The following SYT13 variants were observed in gnomAD, a reference collection of about 807,000 sequenced individuals.
SYT13 encodes the protein synaptotagmin-13.
SYT13 carries 21 observed loss-of-function variants against 38.6 expected under a neutral mutation model. That is an observed-to-expected ratio of 0.54 (90% CI 0.39 to 0.78). The LOEUF (loss-of-function observed/expected upper bound fraction) is 0.78, where lower values mean the gene tolerates loss of function less well. SYT13 is among the 30% of genes least tolerant of loss of function. SYT13 has a pLI of 0.00. For synonymous variants in SYT13, 241 were observed against 237.6 expected, an observed-to-expected ratio of 1.01 and a Z score of -0.13; for missense variants, 495 against 548.7, an observed-to-expected ratio of 0.90 and a Z score of 0.98.
chr11:45,283,097 G>A lies in SYT13; in HGVS notation c.183+2928C>T, dbSNP rs572276074. Among the ~76,000 whole-genome samples, 350 of 152,300 alleles carry A rather than the reference G, an allele frequency of 2.3e-3. 4 individuals carry two copies. Among genetic ancestry groups the A allele is most frequent in the Non-Finnish European group, 2.6e-3 (176 of 68,030 alleles). The stretch of plus-strand genomic sequence containing the variant: ...CAGGAAGTCAAGACTTCAGTGAGCC[G>A]TGATCACACCACTGCACTCCAGCCT... On this transcript the variant is annotated intron_variant, in intron 1 of 5. Coordinates refer to ENST00000020926, the MANE Select transcript of SYT13 (RefSeq NM_020826.3).
At position 45,242,820 on chromosome 11, in the gene SYT13, C is replaced by T. The variant is rs1854567997; in HGVS notation, c.*1232G>A. Reference sequence around the variant, plus strand: ...AGTACCGTATCCACTCAGCAAGGCTCATAATTTAGATTTAATTAACAATGT... The same window carrying T: ...AGTACCGTATCCACTCAGCAAGGCTTATAATTTAGATTTAATTAACAATGT... On this transcript the variant is annotated 3_prime_UTR_variant, in exon 6 of 6. Transcript: ENST00000020926. The T allele has an allele frequency of 6.6e-6, 1 of 152,138 alleles. No individual in the cohort carries two copies. The highest frequency in any genetic ancestry group is 2.4e-5 in the African/African-American group (1 of 41,406). 9.4% of individuals were successfully genotyped at this position (152,138 alleles called of 1,614,324 possible).
At chr11:45,270,394 T>G (rs1274973766) in intron 1 of SYT13, among the ~76,000 whole-genome samples, 11 of 152,248 alleles carry the variant, frequency 7.2e-5, no homozygotes. Context: ...TTTGTTTTTA[T>G]GTCAGTTTCC....
rs1854539360 is a variant in SYT13, at chr11:45,240,662, T to G, written c.*3390A>C. 1 of 152,220 alleles carries G rather than the reference T, an allele frequency of 6.6e-6. No homozygotes were observed. The highest frequency in any genetic ancestry group is 2.4e-5 in the African/African-American group (1 of 41,450). The allele number at this position is 152,220 out of a possible 1,614,324, so 9.4% of individuals were successfully genotyped here. A position where few individuals can be genotyped will look rare whatever the true frequency, so the allele number is the denominator to read the frequency against. ...CAGACATATGCAAGGTCTTAATCAA[T>G]AAGTGCTCAACAAATAGATATTGAT... On this transcript the variant is annotated 3_prime_UTR_variant, in exon 6 of 6. Coordinates refer to ENST00000020926, the MANE Select transcript of SYT13 (RefSeq NM_020826.3).
chr11:45,261,017 G>C (rs529624205), intron 1 of SYT13, among the ~76,000 whole-genome samples: 5 of 152,176 alleles, frequency 3.3e-5, no homozygotes, highest in Non-Finnish European at 7.3e-5. Flanking sequence ...GGGGAACTCA[G>C]CAACAAAAAC....
intron 1 of SYT13, chr11:45,258,256 T>G (rs955238761): frequency 2.0e-5 from 3 of 152,236 alleles, no homozygotes; most frequent in African/African-American, 7.2e-5. Flanking sequence ...ATCATTATCT[T>G]GTTACACACA....
In SYT13 at chr11:45,244,147, C is replaced by T; in HGVS notation, c.1186G>A (p.Gly396Ser). 3.1e-6 allele frequency: 5 copies of T among 1,613,784 alleles called. No homozygotes were observed. Among genetic ancestry groups the T allele is most frequent in the Middle Eastern group, 1.7e-4 (1 of 5,984 alleles). The change falls in exon 6 of 6, where the codon GGC (glycine) becomes AGC (serine). Residue 396 changes from glycine (G) to serine (S), a missense_variant. Coordinates refer to ENST00000020926, the MANE Select transcript of SYT13 (RefSeq NM_020826.3). ...QSCALGHCSL[G>S]LHTSGSERSH... is the part of the protein sequence containing the mutation. ...CGCTCAGAGCCCGAGGTGTGCAGGCCCAGGCTGCAGTGGCCAAGCGCACAG... is the reference window on the plus strand; with the variant it reads ...CGCTCAGAGCCCGAGGTGTGCAGGCTCAGGCTGCAGTGGCCAAGCGCACAG...
intron 1 of SYT13, among the ~76,000 whole-genome samples, chr11:45,282,861 C>T (rs1163449078): frequency 6.6e-6 from 1 of 152,134 alleles, no homozygotes. Context: ...TTAAGAACCC[C>T]TGGGGGCAAA....
In SYT13 at chr11:45,286,193, C is replaced by T. The variant is rs1442254131; in HGVS notation, c.15G>A (p.Val5=). 1.3e-6 allele frequency: 2 copies of T among 1,566,370 alleles called. No homozygotes were observed. Among genetic ancestry groups the T allele is most frequent in the East Asian group, 2.3e-5 (1 of 43,464 alleles). ...GCGTGGCGCCCAGCGCGATCACAGG[C>T]ACCGACAGCACCATGGTGCCCGCTC... MVLS[V]PVIALGATLG... The change falls in exon 1 of 6, where the codon GTG becomes GTA. Residue 5 remains valine, a synonymous_variant. Transcript: ENST00000020926.
intron 1 of SYT13, among the ~76,000 whole-genome samples, chr11:45,273,243 A>G (rs963144236): frequency 1.3e-5 from 2 of 152,218 alleles, no homozygotes; most frequent in African/African-American, 4.8e-5. Context: ...TGGAAACAGG[A>G]CAGGGTGCCG....
At chr11:45,249,787 T>C (rs1267397686) in intron 4 of SYT13, among the ~76,000 whole-genome samples, 1 of 152,116 alleles carries the variant, frequency 6.6e-6, no homozygotes, top group Non-Finnish European at 1.5e-5. Context: ...TTAGGAGAAA[T>C]ACCTAATGTA....
At chr11:45,257,548 C>T (rs977952456) in intron 1 of SYT13, among the ~76,000 whole-genome samples, 1 of 152,228 alleles carries the variant, frequency 6.6e-6, no homozygotes, top group African/African-American at 2.4e-5. Flanking sequence ...TGATCCTGCA[C>T]TGTGTAGGGG....
intron 1 of SYT13, among the ~76,000 whole-genome samples, chr11:45,282,388 G>C (rs904774456): frequency 6.6e-6 from 1 of 152,216 alleles, no homozygotes; most frequent in African/African-American, 2.4e-5. Context: ...CTTGAAAACA[G>C]CTGGAAGCAT....
At chr11:45,247,003 G>A (rs887838782) in intron 4 of SYT13, among the ~76,000 whole-genome samples, 1 of 152,154 alleles carries the variant, frequency 6.6e-6, no homozygotes, top group African/African-American at 2.4e-5. Flanking sequence ...AGCTCCAGGA[G>A]GTTGCTTCAT....
At chr11:45,261,097 C>T (rs1289280498) in intron 1 of SYT13, among the ~76,000 whole-genome samples, 1 of 152,132 alleles carries the variant, frequency 6.6e-6, no homozygotes, top group African/African-American at 2.4e-5. Flanking sequence ...ATGCAAATGG[C>T]CAATAAGCAC....
At chr11:45,273,420 G>A (rs1041438330) in intron 1 of SYT13, among the ~76,000 whole-genome samples, 5 of 152,008 alleles carry the variant, frequency 3.3e-5, no homozygotes, top group South Asian at 4.2e-4. Context: ...CAGAGGAGTT[G>A]GTCAATGCAG....
chr11:45,272,293 T>C (rs1014013057), intron 1 of SYT13, among the ~76,000 whole-genome samples: 2 of 152,116 alleles, frequency 1.3e-5, no homozygotes, highest in African/African-American at 4.8e-5. Context: ...TGTATACCTA[T>C]GTAACAAACC....
chr11:45,272,797 CTGTTTGGCAAGCAGA>C (rs1854966472), intron 1 of SYT13, among the ~76,000 whole-genome samples: 1 of 152,138 alleles, frequency 6.6e-6, no homozygotes, highest in South Asian at 2.1e-4. Flanking sequence ...GCAGGTGTGT[CTGTTTGGCAAGCAGA>C]TATTAAAGGC....
chr11:45,274,302 G>T (rs919799230), intron 1 of SYT13, among the ~76,000 whole-genome samples: 3 of 152,114 alleles, frequency 2.0e-5, no homozygotes, highest in African/African-American at 7.2e-5. Flanking sequence ...TCTGTTCTTT[G>T]TCTCTATGTG....
chr11:45,265,655 C>T (rs916908526), intron 1 of SYT13, among the ~76,000 whole-genome samples: 2 of 152,130 alleles, frequency 1.3e-5, no homozygotes, highest in African/African-American at 4.8e-5. Context: ...TCTCACATGT[C>T]TTCTTCAAGG....
Sources: allele counts gnomAD v4.1 joint callset (sites outside exome capture counted in the v4.1 genomes callset), GRCh38; gene constraint gnomAD v4.1.1; transcripts MANE v1.5; gene names NCBI Gene and HGNC (gene_info 2026-07-23, HGNC 2026-07-21).